The following ACSL3 variants were observed in gnomAD, a reference collection of about 807,000 sequenced individuals.
ACSL3 encodes the protein acyl-CoA synthetase long chain family member 3.
Under a neutral mutation model 84.7 loss-of-function variants are expected in ACSL3, and 34 were observed. The observed-to-expected ratio is 0.40, with a 90% confidence interval of 0.31 to 0.53. The LOEUF (loss-of-function observed/expected upper bound fraction) is 0.53, where lower values mean the gene tolerates loss of function less well. Among genes scored for constraint, ACSL3 ranks in the 20% least tolerant of loss-of-function variants. The pLI is 0.48. For synonymous variants in ACSL3, 315 were observed against 299.4 expected (o/e 1.05, Z -0.54); for missense variants, 680 against 873.1 (o/e 0.78, Z 2.79).
chr2:222,918,328 T>C (rs1696640541), intron 6 of ACSL3, among the ~76,000 whole-genome samples, 173 bp downstream of exon 6: 1 of 152,188 alleles, frequency 6.6e-6, no homozygotes, highest in African/African-American at 2.4e-5. Flanking sequence ...ATTTTGTATA[T>C]ATTCATGTAT....
At chr2:222,866,991 C>T (rs1456033172) in intron 1 of ACSL3, among the ~76,000 whole-genome samples, 2 of 151,824 alleles carry the variant, frequency 1.3e-5, no homozygotes, top group South Asian at 2.1e-4. Context: ...CCCACCACCA[C>T]ACTCGGCTAA....
chr2:222,886,701 G>T (rs964728436), intron 1 of ACSL3, among the ~76,000 whole-genome samples: 1 of 152,054 alleles, frequency 6.6e-6, no homozygotes, highest in Non-Finnish European at 1.5e-5. Flanking sequence ...GTAAATGAAC[G>T]CAGCCTTTAT....
intron 13 of ACSL3, 79 bp from the exon 14 acceptor site, chr2:222,930,542 G>A: frequency 1.7e-6 from 2 of 1,177,524 alleles, no homozygotes; most frequent in Non-Finnish European, 2.3e-6. Flanking sequence ...AAAATAAGAT[G>A]ACTGTTTAGA....
intron 12 of ACSL3, among the ~76,000 whole-genome samples, chr2:222,928,248 AT>A (rs1210076878): frequency 6.6e-6 from 1 of 152,220 alleles, no homozygotes; most frequent in African/African-American, 2.4e-5. Context: ...TGCTGTATTA[AT>A]TTTAAATAGG....
At chr2:222,939,697 G>C (rs1697256471) in intron 16 of ACSL3, among the ~76,000 whole-genome samples, 1 of 152,150 alleles carries the variant, frequency 6.6e-6, no homozygotes, top group Non-Finnish European at 1.5e-5. Flanking sequence ...TTTTCTACCA[G>C]CCTTTGATGC....
At chr2:222,893,158 A>G (rs1436042866) in intron 2 of ACSL3, among the ~76,000 whole-genome samples, 1 of 152,182 alleles carries the variant, frequency 6.6e-6, no homozygotes, top group East Asian at 1.9e-4. Flanking sequence ...ATTGTGGCAT[A>G]TCAAGATGCA....
At chr2:222,934,786 T>C in intron 16 of ACSL3, 99 bp downstream of exon 16, 3 of 1,275,272 alleles carry the variant, frequency 2.4e-6, no homozygotes, top group Admixed American at 5.4e-5. Flanking sequence ...TACTTTCTGC[T>C]CAGAAACCAT....
At chr2:222,936,383 T>G (rs1030897907) in intron 16 of ACSL3, among the ~76,000 whole-genome samples, 6 of 152,216 alleles carry the variant, frequency 3.9e-5, no homozygotes, top group Non-Finnish European at 7.3e-5. Context: ...ACCAACGGTA[T>G]TAAGGGTTTC....
chr2:222,892,753 T>C (rs563191280), intron 2 of ACSL3, among the ~76,000 whole-genome samples: 1 of 152,322 alleles, frequency 6.6e-6, no homozygotes, highest in Admixed American at 6.5e-5. Context: ...TGGAGAGACA[T>C]GTAGGTTAAT....
Position 222,908,816 on chromosome 2 carries a change from A to G in ACSL3, c.44A>G (p.Lys15Arg). The G allele has an allele frequency of 6.2e-7, 1 of 1,606,048 alleles. No homozygotes were observed. Among genetic ancestry groups the G allele is most frequent in the African/African-American group, 1.3e-5 (1 of 74,502 alleles). The change falls in exon 4 of 17, where the codon AAA (lysine) becomes AGA (arginine). Residue 15 changes from lysine to arginine, a missense_variant. Physicochemically the swap from Lys to Arg is conservative, Grantham distance 26 (BLOSUM62 2). Coordinates refer to ENST00000357430, the MANE Select transcript of ACSL3 (RefSeq NM_004457.5). ...TCAAAACCATCTACCATGAAGCTAA[A>G]ACATACCATCAACCCTATTCTTTTA... is the stretch of plus-strand genomic sequence containing the variant. Reference protein sequence around the residue: ...VSSKPSTMKLKHTINPILLYF... With the variant: ...VSSKPSTMKLRHTINPILLYF...
chr2:222,877,996 G>A (rs897731712), intron 1 of ACSL3, among the ~76,000 whole-genome samples: 1 of 150,584 alleles, frequency 6.6e-6, no homozygotes, highest in Non-Finnish European at 1.5e-5. Context: ...CTCCTTCAGG[G>A]AGAGTAAGTT....
chr2:222,883,753 AATTT>A (rs1159689430), intron 1 of ACSL3, among the ~76,000 whole-genome samples: 1 of 152,080 alleles, frequency 6.6e-6, no homozygotes. Flanking sequence ...CTCTTGGATT[AATTT>A]AACACCTTAT....
rs1559282691 is a variant in ACSL3, at chr2:222,887,830, G to A, written c.-206G>A. 6.6e-6 allele frequency: 1 copy of A among 152,072 alleles called. No homozygotes were observed. The highest frequency in any genetic ancestry group is 2.1e-4 in the South Asian group (1 of 4,818). 9.4% of individuals were successfully genotyped at this position (152,072 alleles called of 1,614,324 possible). A position where few individuals can be genotyped will look rare whatever the true frequency, so the allele number is the denominator to read the frequency against. ...GTCTTTTTTATGTTTGTTTTGACAG[G>A]TTTTGACACAAGGGCGCATATCTTC... is the stretch of plus-strand genomic sequence containing the variant. On this transcript the variant is annotated splice_region_variant and 5_prime_UTR_variant, in exon 2 of 17. Transcript: ENST00000357430.
chr2:222,939,438 G>T (rs1406120135), intron 16 of ACSL3, among the ~76,000 whole-genome samples: 2 of 152,154 alleles, frequency 1.3e-5, no homozygotes, highest in Non-Finnish European at 2.9e-5. Flanking sequence ...TGCTGTAGTT[G>T]GCCATGGTAC....
intron 3 of ACSL3, among the ~76,000 whole-genome samples, chr2:222,906,943 C>G (rs1370832544): frequency 6.6e-6 from 1 of 152,200 alleles, no homozygotes; most frequent in Non-Finnish European, 1.5e-5. Flanking sequence ...TGCCATTAGG[C>G]ATGAACTTTT....
intron 3 of ACSL3, among the ~76,000 whole-genome samples, chr2:222,907,567 C>G (rs1471676940): frequency 2.6e-5 from 4 of 152,010 alleles, no homozygotes; most frequent in Non-Finnish European, 4.4e-5. Context: ...TTGAGACCAG[C>G]TGGGGCAGCA....
intron 1 of ACSL3, among the ~76,000 whole-genome samples, chr2:222,884,362 A>G (rs1215305511): frequency 6.6e-6 from 1 of 152,244 alleles, no homozygotes. Context: ...CACTGCAACA[A>G]ATCACCACAG....
At chr2:222,862,910 T>G (rs935619857) in intron 1 of ACSL3, among the ~76,000 whole-genome samples, 1 of 152,156 alleles carries the variant, frequency 6.6e-6, no homozygotes, top group Non-Finnish European at 1.5e-5. Context: ...ATGGGAGAAA[T>G]GAAGAACGCA....
At chr2:222,863,557 G>T (rs918199201) in intron 1 of ACSL3, among the ~76,000 whole-genome samples, 10 of 152,176 alleles carry the variant, frequency 6.6e-5, no homozygotes, top group Admixed American at 2.0e-4. Flanking sequence ...GAACTGTAAG[G>T]GGGAGTAAGA....
Sources: allele counts gnomAD v4.1 joint callset (sites outside exome capture counted in the v4.1 genomes callset), GRCh38; gene constraint gnomAD v4.1.1; transcripts MANE v1.5; gene names NCBI Gene and HGNC (gene_info 2026-07-23, HGNC 2026-07-21).